Variants in UBE2E3 observed in about 807,000 individuals in gnomAD.
UBE2E3 encodes the protein ubiquitin-conjugating enzyme E2 E3.
In UBE2E3, 5 loss-of-function variants were observed where a neutral mutation model predicts 23.6. The observed-to-expected ratio is 0.21, with a 90% confidence interval of 0.11 to 0.44. The LOEUF is 0.44. Ranked by LOEUF, UBE2E3 falls within the 20% of genes least tolerant of loss-of-function variation. The pLI is 0.99. For missense variants in UBE2E3, 81 were observed against 249.8 expected (o/e 0.32, Z 4.55); for synonymous variants, 78 against 87.5 (o/e 0.89, Z 0.60).
intron 3 of UBE2E3, among the ~76,000 whole-genome samples, chr2:181,027,829 G>A (rs564384676): frequency 3.9e-5 from 6 of 151,992 alleles, no homozygotes; most frequent in African/African-American, 1.4e-4. Context: ...ACAGAAAAAA[G>A]TAAATTCTTT....
chr2:181,019,122 C>A (rs1685591910), intron 3 of UBE2E3, among the ~76,000 whole-genome samples: 1 of 152,210 alleles, frequency 6.6e-6, no homozygotes, highest in Non-Finnish European at 1.5e-5. Flanking sequence ...TGCCACCACA[C>A]CTGGCTGATT....
intron 2 of UBE2E3, 75 bp downstream of exon 2, chr2:180,982,311 AC>A: frequency 7.5e-7 from 1 of 1,327,506 alleles, no homozygotes; most frequent in Non-Finnish European, 1.1e-6. Context: ...TGTTGGTTTT[AC>A]CTCAATAGCA....
At chr2:181,020,877 T>C (rs1040412190) in intron 3 of UBE2E3, among the ~76,000 whole-genome samples, 1 of 152,218 alleles carries the variant, frequency 6.6e-6, no homozygotes, top group Non-Finnish European at 1.5e-5. Context: ...TGTAGGTGAC[T>C]GGATGGATTA....
At chr2:181,035,151 G>GT (rs1408446091) in intron 3 of UBE2E3, among the ~76,000 whole-genome samples, 1 of 152,072 alleles carries the variant, frequency 6.6e-6, no homozygotes, top group African/African-American at 2.4e-5. Context: ...TAACTGTTTT[G>GT]TTTTAATATT....
chr2:181,027,407 T>C (rs560706943), intron 3 of UBE2E3, among the ~76,000 whole-genome samples: 2 of 151,938 alleles, frequency 1.3e-5, no homozygotes, highest in African/African-American at 2.4e-5. Context: ...TAGTTAATCA[T>C]AATTAAAAAT....
chr2:181,030,190 T>C (rs1686032284), intron 3 of UBE2E3, among the ~76,000 whole-genome samples: 3 of 152,164 alleles, frequency 2.0e-5, no homozygotes, highest in Admixed American at 2.0e-4. Context: ...GGTGGCCTTA[T>C]GTAAACTCTT....
chr2:181,006,970 G>T (rs531825248), intron 3 of UBE2E3, among the ~76,000 whole-genome samples: 2 of 152,164 alleles, frequency 1.3e-5, no homozygotes, highest in Non-Finnish European at 2.9e-5. Flanking sequence ...TTTCTAGCAA[G>T]ATACTGCATT....
At chr2:181,058,168 G>T (rs1687038362) in intron 4 of UBE2E3, among the ~76,000 whole-genome samples, 1 of 151,642 alleles carries the variant, frequency 6.6e-6, no homozygotes, top group Non-Finnish European at 1.5e-5. Flanking sequence ...ATTAATGAAG[G>T]TATTAGGATA....
chr2:181,020,128 C>T (rs1028487926), intron 3 of UBE2E3, among the ~76,000 whole-genome samples: 3 of 152,150 alleles, frequency 2.0e-5, no homozygotes, highest in African/African-American at 7.2e-5. Flanking sequence ...TAACCAAGTA[C>T]CACAAATTGG....
At chr2:181,031,289 A>G (rs954476886) in intron 3 of UBE2E3, among the ~76,000 whole-genome samples, 12 of 152,126 alleles carry the variant, frequency 7.9e-5, no homozygotes, top group Non-Finnish European at 1.8e-4. Context: ...TGGTTCAGAT[A>G]TTCTGTATCT....
intron 3 of UBE2E3, among the ~76,000 whole-genome samples, chr2:181,000,220 A>G (rs929060786): frequency 1.3e-5 from 2 of 152,228 alleles, no homozygotes; most frequent in Non-Finnish European, 2.9e-5. Context: ...TAAAAAATCT[A>G]TTAAAGTAGC....
intron 3 of UBE2E3, among the ~76,000 whole-genome samples, chr2:181,025,885 G>C (rs1294932389): frequency 6.6e-6 from 1 of 151,778 alleles, no homozygotes; most frequent in Non-Finnish European, 1.5e-5. Context: ...ACTTTATATG[G>C]AAACAAATTT....
At chr2:180,981,828 A>G (rs1386330530) in intron 1 of UBE2E3, among the ~76,000 whole-genome samples, 190 bp from the exon 2 acceptor site, 1 of 152,178 alleles carries the variant, frequency 6.6e-6, no homozygotes, top group Non-Finnish European at 1.5e-5. Flanking sequence ...AGTTCGGCAA[A>G]TCCCTTAACG....
intron 3 of UBE2E3, among the ~76,000 whole-genome samples, chr2:180,985,420 T>C (rs1684429116): frequency 6.6e-6 from 1 of 152,148 alleles, no homozygotes; most frequent in Non-Finnish European, 1.5e-5. Context: ...TAATACTGCA[T>C]TGACTTAAAA....
intron 3 of UBE2E3, among the ~76,000 whole-genome samples, chr2:181,013,620 A>G (rs764792875): frequency 2.6e-5 from 4 of 152,208 alleles, no homozygotes; most frequent in African/African-American, 7.2e-5. Flanking sequence ...CTGGACTTCT[A>G]TAAACCTGAT....
chr2:181,037,703 C>A (rs1329876082), intron 3 of UBE2E3, among the ~76,000 whole-genome samples: 1 of 152,142 alleles, frequency 6.6e-6, no homozygotes, highest in African/African-American at 2.4e-5. Flanking sequence ...CAGCCAGGCT[C>A]ACACCTGTAA....
intron 3 of UBE2E3, among the ~76,000 whole-genome samples, chr2:181,057,070 TA>T (rs1250789823): frequency 6.6e-6 from 1 of 151,596 alleles, no homozygotes; most frequent in Non-Finnish European, 1.5e-5. Context: ...GTTAATGTTA[TA>T]AAAGTTAAAG....
intron 3 of UBE2E3, among the ~76,000 whole-genome samples, chr2:181,029,115 C>T (rs974570782): frequency 6.6e-6 from 1 of 152,050 alleles, no homozygotes; most frequent in African/African-American, 2.4e-5. Context: ...TGCCATCTGT[C>T]ATTTCATGAT....
intron 3 of UBE2E3, among the ~76,000 whole-genome samples, chr2:181,032,323 TA>T (rs1178160352): frequency 4.6e-5 from 7 of 152,180 alleles, no homozygotes; most frequent in Admixed American, 3.9e-4. Flanking sequence ...TAATCGGTAA[TA>T]TTTTTTTCCT....
Sources: allele counts gnomAD v4.1 joint callset (sites outside exome capture counted in the v4.1 genomes callset), GRCh38; gene constraint gnomAD v4.1.1; transcripts MANE v1.5; gene names NCBI Gene and HGNC (gene_info 2026-07-23, HGNC 2026-07-21).